Variants in ZCWPW2 observed in about 807,000 individuals in gnomAD.
The protein encoded by ZCWPW2 is zinc finger CW-type PWWP domain protein 2.
Under a neutral mutation model 46.6 loss-of-function variants are expected in ZCWPW2, and 45 were observed. The ratio of observed to expected loss-of-function variants is 0.96; its 90% CI spans 0.76 to 1.24. The LOEUF (loss-of-function observed/expected upper bound fraction) is 1.24. Ranked by LOEUF, ZCWPW2 falls within the 50% of genes most tolerant of loss-of-function variation. The pLI is 0.00. For missense variants in ZCWPW2, 429 were observed against 403.9 expected (o/e 1.06, Z -0.53); for synonymous variants, 152 against 137.1 (o/e 1.11, Z -0.76).
chr3:28,458,723 G>T (rs1362165012), intron 4 of ZCWPW2, among the ~76,000 whole-genome samples: 2 of 152,142 alleles, frequency 1.3e-5, no homozygotes, highest in African/African-American at 2.4e-5. Context: ...CTGGAAAGCC[G>T]CACAGGCCTT....
chr3:28,407,864 A>G (rs1309411198), intron 2 of ZCWPW2, among the ~76,000 whole-genome samples: 2 of 152,166 alleles, frequency 1.3e-5, no homozygotes, highest in East Asian at 1.9e-4. Flanking sequence ...GTATGATTAT[A>G]TAGGGATCCC....
At chr3:28,470,282 C>G (rs1352084261) in intron 4 of ZCWPW2, among the ~76,000 whole-genome samples, 1 of 152,096 alleles carries the variant, frequency 6.6e-6, no homozygotes, top group African/African-American at 2.4e-5. Context: ...ATCATGAAGT[C>G]AGGAGACCGA....
intron 4 of ZCWPW2, among the ~76,000 whole-genome samples, chr3:28,457,798 T>C (rs568129355): frequency 6.6e-6 from 1 of 152,360 alleles, no homozygotes; most frequent in Non-Finnish European, 1.5e-5. Context: ...ATAAAAATTC[T>C]ACACCTTGAA....
chr3:28,476,980 G>T (rs576247111), intron 4 of ZCWPW2, among the ~76,000 whole-genome samples: 4 of 152,178 alleles, frequency 2.6e-5, no homozygotes, highest in Middle Eastern at 3.4e-3. Context: ...TTGCTGTGCC[G>T]CCCAGTTCCT....
At chr3:28,455,756 G>A (rs1698399237) in intron 4 of ZCWPW2, among the ~76,000 whole-genome samples, 1 of 152,052 alleles carries the variant, frequency 6.6e-6, no homozygotes, top group South Asian at 2.1e-4. Context: ...TTTCCCCAGT[G>A]CTTATTTTTG....
intron 5 of ZCWPW2, among the ~76,000 whole-genome samples, chr3:28,487,575 G>A (rs1035564366): frequency 6.6e-6 from 1 of 152,132 alleles, no homozygotes; most frequent in African/African-American, 2.4e-5. Context: ...TTCATGAGCT[G>A]ATAATCCCAT....
intron 2 of ZCWPW2, among the ~76,000 whole-genome samples, chr3:28,411,051 A>G (rs569145654): frequency 6.6e-6 from 1 of 151,936 alleles, no homozygotes; most frequent in Non-Finnish European, 1.5e-5. Flanking sequence ...TATAATCTTG[A>G]TATGAAAACC....
chr3:28,421,953 C>T (rs994331368), intron 3 of ZCWPW2, among the ~76,000 whole-genome samples: 8 of 150,804 alleles, frequency 5.3e-5, no homozygotes, highest in Non-Finnish European at 1.0e-4. Flanking sequence ...AAATATGACC[C>T]GTGTTCTTAA....
intron 6 of ZCWPW2, among the ~76,000 whole-genome samples, chr3:28,501,639 T>A (rs889048915): frequency 2.0e-5 from 3 of 152,210 alleles, no homozygotes; most frequent in Non-Finnish European, 4.4e-5. Flanking sequence ...CTCATAAAAC[T>A]ATCATCCCCA....
At chr3:28,397,169 T>A (rs1257849017) in intron 2 of ZCWPW2, among the ~76,000 whole-genome samples, 1 of 151,844 alleles carries the variant, frequency 6.6e-6, no homozygotes, top group Non-Finnish European at 1.5e-5. Flanking sequence ...ACTCCTTGCA[T>A]GTGTTGTGAT....
At chr3:28,429,385 C>G (rs1290476391) in intron 3 of ZCWPW2, among the ~76,000 whole-genome samples, 1 of 152,108 alleles carries the variant, frequency 6.6e-6, no homozygotes, top group East Asian at 1.9e-4. Flanking sequence ...GCAATGTGAT[C>G]AAGAAGTGAC....
At chr3:28,506,481 G>A (rs1477617099) in intron 6 of ZCWPW2, among the ~76,000 whole-genome samples, 2 of 151,988 alleles carry the variant, frequency 1.3e-5, no homozygotes, top group Non-Finnish European at 2.9e-5. Context: ...TGAGAGAGGT[G>A]GAAGGGATGG....
intron 1 of ZCWPW2, among the ~76,000 whole-genome samples, chr3:28,353,826 A>G (rs1451141121): frequency 6.6e-6 from 1 of 152,230 alleles, no homozygotes; most frequent in South Asian, 2.1e-4. Flanking sequence ...GAAATGTGAG[A>G]CCAACCAACA....
intron 1 of ZCWPW2, among the ~76,000 whole-genome samples, chr3:28,386,666 T>TA (rs1382123284): frequency 6.6e-6 from 1 of 152,194 alleles, no homozygotes; most frequent in Admixed American, 6.5e-5. Context: ...TTGATTCTTT[T>TA]AAAAATAAAT....
chr3:28,370,312 A>C (rs997708555), intron 1 of ZCWPW2, among the ~76,000 whole-genome samples: 1 of 152,202 alleles, frequency 6.6e-6, no homozygotes, highest in Non-Finnish European at 1.5e-5. Context: ...CCCAAAAAAC[A>C]TTCATTGTCG....
chr3:28,422,930 G>A (rs536205291), intron 3 of ZCWPW2, among the ~76,000 whole-genome samples: 1 of 152,154 alleles, frequency 6.6e-6, no homozygotes, highest in Non-Finnish European at 1.5e-5. Context: ...CATTGTTTTA[G>A]TTTGTATTTT....
intron 2 of ZCWPW2, among the ~76,000 whole-genome samples, chr3:28,410,952 A>C (rs866762531): frequency 8.5e-5 from 13 of 152,094 alleles, no homozygotes; most frequent in South Asian, 6.2e-4. Flanking sequence ...AAAATTCATA[A>C]AATTTATGTT....
rs142862361 is a variant in ZCWPW2 at position 28,398,985 on chromosome 3, G to A, written c.-14+8368G>A. Among the ~76,000 whole-genome samples, 25 of 152,278 alleles carry A rather than the reference G, an allele frequency of 1.6e-4. No homozygotes were observed. In the East Asian group the frequency reaches 4.5e-3, roughly 27 times the overall value. ...AATCCAGTGTGCAGACTCTACAGGC[G>A]GGGAACAAGGAAAGCCATATTTGCT... On this transcript the variant is annotated intron_variant, in intron 2 of 9. Coordinates refer to ENST00000383768, the MANE Select transcript of ZCWPW2 (RefSeq NM_001040432.4).
intron 4 of ZCWPW2, among the ~76,000 whole-genome samples, chr3:28,460,057 G>A (rs1436805411): frequency 6.6e-6 from 1 of 152,104 alleles, no homozygotes; most frequent in Non-Finnish European, 1.5e-5. Context: ...GTTGCAGGGA[G>A]TACCCAGTTA....
Sources: gnomAD v4.1 joint callset for allele counts (sites outside exome capture counted in the v4.1 genomes callset) on GRCh38, gnomAD v4.1.1 for gene constraint, MANE v1.5 for transcripts, NCBI Gene and HGNC (gene_info 2026-07-23, HGNC 2026-07-21) for gene names.